TMCO1: variants seen among roughly 807,000 people sequenced by gnomAD.
The protein encoded by TMCO1 is calcium load-activated calcium channel.
TMCO1 carries 29 observed loss-of-function variants against 29.3 expected under a neutral mutation model. The ratio of observed to expected loss-of-function variants is 0.99; its 90% CI spans 0.74 to 1.35. The LOEUF is 1.35. Among genes scored for constraint, TMCO1 ranks in the 40% most tolerant of loss-of-function variants. The pLI is 0.00. For synonymous variants in TMCO1, 80 were observed against 77.1 expected (o/e 1.04, Z -0.20); for missense variants, 173 against 225.5 (o/e 0.77, Z 1.49).
intron 6 of TMCO1, among the ~76,000 whole-genome samples, chr1:165,739,614 C>G (rs906950492): frequency 3.9e-5 from 6 of 152,100 alleles, no homozygotes; most frequent in Non-Finnish European, 8.8e-5. Flanking sequence ...GTCTTGAACT[C>G]CTGGGCTCAA....
chr1:165,735,867 A>C (rs1406272386), intron 6 of TMCO1, among the ~76,000 whole-genome samples: 5 of 152,184 alleles, frequency 3.3e-5, no homozygotes, highest in African/African-American at 9.7e-5. Flanking sequence ...CCCAGTTAAG[A>C]CTAAAATAAC....
At position 165,743,795 on chromosome 1, in the gene TMCO1, A is replaced by T. The variant is rs142381249; in HGVS notation, c.324-484T>A. Among the ~76,000 whole-genome samples, 90 of 152,020 alleles carry T rather than the reference A, an allele frequency of 5.9e-4. No individual in the cohort carries two copies. In the East Asian group the frequency reaches 8.7e-3, roughly 15 times the overall value. ...TTATATCTTTATATATAAGTTATTTAATTATATGAAGTTGAACATGCATGA... is the reference window on the plus strand; with the variant it reads ...TTATATCTTTATATATAAGTTATTTTATTATATGAAGTTGAACATGCATGA... On this transcript the variant is annotated intron_variant, in intron 5 of 6. Coordinates refer to ENST00000367881, the MANE Select transcript of TMCO1 (RefSeq NM_019026.6).
At chr1:165,748,900 T>C (rs1651898495) in intron 5 of TMCO1, among the ~76,000 whole-genome samples, 1 of 152,196 alleles carries the variant, frequency 6.6e-6, no homozygotes, top group Non-Finnish European at 1.5e-5. Flanking sequence ...ACTGTCTCCA[T>C]AGTTTTGCCT....
intron 2 of TMCO1, among the ~76,000 whole-genome samples, chr1:165,760,612 G>C (rs1384972081): frequency 6.6e-6 from 1 of 151,906 alleles, no homozygotes; most frequent in African/African-American, 2.4e-5. Context: ...GATCATCCTG[G>C]CCAACATGGT....
intron 6 of TMCO1, among the ~76,000 whole-genome samples, chr1:165,741,775 TAGTG>T (rs71864439): frequency 0.064 from 9,781 of 152,204 alleles, 1,159 homozygotes; most frequent in East Asian, 0.58. Context: ...GTTCTTGTGA[TAGTG>T]AGTGAGTTCT....
chr1:165,768,488 C>T, intron 1 of TMCO1, 194 bp downstream of exon 1: 1 of 1,543,750 alleles, frequency 6.5e-7, no homozygotes, highest in African/African-American at 1.4e-5. Flanking sequence ...CTACCTGAGA[C>T]CAAAGAAAAC....
chr1:165,730,933 C>A (rs1434828100), intron 6 of TMCO1, among the ~76,000 whole-genome samples: 2 of 149,060 alleles, frequency 1.3e-5, no homozygotes, highest in Non-Finnish European at 3.0e-5. Context: ...CAGAGTCTCG[C>A]TCTGTCGCCA....
chr1:165,752,316 G>A (rs112601776), intron 4 of TMCO1, 147 bp from the exon 5 acceptor site: 8 of 646,068 alleles, frequency 1.2e-5, no homozygotes, highest in East Asian at 2.9e-5. Flanking sequence ...GTACAGTGGC[G>A]CAATCTCGGC....
chr1:165,753,924 C>T (rs574626165), intron 4 of TMCO1, among the ~76,000 whole-genome samples: 22 of 152,096 alleles, frequency 1.4e-4, no homozygotes, highest in Non-Finnish European at 2.6e-4. Flanking sequence ...TCAGCATTAA[C>T]GTAAAGAAGA....
chr1:165,727,803 A>C lies in TMCO1; in HGVS notation c.*220T>G. The C allele has an allele frequency of 2.0e-6, 1 of 495,640 alleles. No homozygotes were observed. The allele number at this position is 495,640 out of a possible 1,614,324, so 30.7% of individuals were successfully genotyped here. A position where few individuals can be genotyped will look rare whatever the true frequency, so the allele number is the denominator to read the frequency against. On this transcript the variant is annotated 3_prime_UTR_variant, in exon 7 of 7. Coordinates refer to ENST00000367881, the MANE Select transcript of TMCO1 (RefSeq NM_019026.6). Reference sequence around the variant, plus strand: ...CATAAACATTACCTGAACTTAACTAATCAATCCACTTATTTGATAAAAATC... The same window carrying C: ...CATAAACATTACCTGAACTTAACTACTCAATCCACTTATTTGATAAAAATC...
intron 6 of TMCO1, among the ~76,000 whole-genome samples, chr1:165,735,338 G>C (rs1651326094): frequency 6.6e-6 from 1 of 152,148 alleles, no homozygotes. Flanking sequence ...AGTTGGCACT[G>C]TGAAGAGTGT....
Position 165,768,859 on chromosome 1 carries a change from G to A in TMCO1, c.-108C>T. The A allele has an allele frequency of 6.4e-7, 1 of 1,569,664 alleles. No individual in the cohort carries two copies. The highest frequency in any genetic ancestry group is 8.6e-7 in the Non-Finnish European group (1 of 1,156,802). On this transcript the variant is annotated 5_prime_UTR_variant, in exon 1 of 7. Coordinates refer to ENST00000367881, the MANE Select transcript of TMCO1 (RefSeq NM_019026.6). Reference sequence around the variant, plus strand: ...TAGACTCCGCCACCACCGAGTAACAGACCAACTCTGACAGCCCGAAGATCG... The same window carrying A: ...TAGACTCCGCCACCACCGAGTAACAAACCAACTCTGACAGCCCGAAGATCG...
chr1:165,736,535 A>G lies in TMCO1; in HGVS notation c.468+6632T>C, dbSNP rs142244070. 8.4e-4 allele frequency among the ~76,000 whole-genome samples: 128 copies of G among 152,286 alleles called. 1 individual carries two copies. Among genetic ancestry groups the G allele is most frequent in the African/African-American group, 3.0e-3 (124 of 41,570 alleles). ...GTGTTTGAGACTAGCCAGCCTGACC[A>G]ACATGGTGAAACCCGCTCTCTCCTA... is the stretch of plus-strand genomic sequence containing the variant. On this transcript the variant is annotated intron_variant, in intron 6 of 6. Coordinates refer to ENST00000367881, the MANE Select transcript of TMCO1 (RefSeq NM_019026.6).
chr1:165,735,511 ATTTTTTTT>A (rs34062484), intron 6 of TMCO1, among the ~76,000 whole-genome samples: 21 of 110,282 alleles, frequency 1.9e-4, no homozygotes, highest in Middle Eastern at 4.6e-3. Flanking sequence ...TCTCTGCTTA[ATTTTTTTT>A]TTTTTTTTTT....
At chr1:165,732,354 G>T in intron 6 of TMCO1, among the ~76,000 whole-genome samples, 1 of 125,492 alleles carries the variant, frequency 8.0e-6, no homozygotes, top group South Asian at 2.7e-4. Context: ...GTAACAGACT[G>T]TTATCTTAGG....
At chr1:165,739,364 T>G (rs1651502114) in intron 6 of TMCO1, among the ~76,000 whole-genome samples, 1 of 149,214 alleles carries the variant, frequency 6.7e-6, no homozygotes. Flanking sequence ...AAAAGGAGTG[T>G]AAAGACCAGC....
Position 165,727,816 on chromosome 1 carries a change from T to C in TMCO1, c.*207A>G, listed in dbSNP as rs998623406. The C allele has an allele frequency of 1.8e-5, 9 of 506,682 alleles. No homozygotes were observed. The highest frequency in any genetic ancestry group is 1.2e-4 in the African/African-American group (6 of 51,638). The allele number at this position is 506,682 out of a possible 1,614,324, so 31.4% of individuals were successfully genotyped here. A position where few individuals can be genotyped will look rare whatever the true frequency, so the allele number is the denominator to read the frequency against. ...TGAACTTAACTAATCAATCCACTTA[T>C]TTGATAAAAATCATCTAGGACCAAA... On this transcript the variant is annotated 3_prime_UTR_variant, in exon 7 of 7. Coordinates refer to ENST00000367881, the MANE Select transcript of TMCO1 (RefSeq NM_019026.6).
Position 165,728,158 on chromosome 1 carries a change from T to A in TMCO1, c.469-37A>T, listed in dbSNP as rs528475298. ...GCACAGTAAGGATTGGGTTTTAATA[T>A]CAAATATACAGAAGATGTGTTTTAT... On this transcript the variant is annotated intron_variant, in intron 6 of 6. Coordinates refer to ENST00000367881, the MANE Select transcript of TMCO1 (RefSeq NM_019026.6). 2.0e-5 allele frequency: 30 copies of A among 1,520,568 alleles called. 1 individual carries two copies. In the South Asian group the frequency reaches 3.4e-4, roughly 17 times the overall value. 94.2% of individuals were successfully genotyped at this position (1,520,568 alleles called of 1,614,324 possible). A position where few individuals can be genotyped will look rare whatever the true frequency, so the allele number is the denominator to read the frequency against.
chr1:165,749,447 A>T (rs2101804190), intron 5 of TMCO1, among the ~76,000 whole-genome samples: 1 of 152,360 alleles, frequency 6.6e-6, no homozygotes, highest in Admixed American at 6.5e-5. Flanking sequence ...ATGGTTAAAA[A>T]CTTAGTAAAG....
Sources: gnomAD v4.1 joint callset for allele counts (sites outside exome capture counted in the v4.1 genomes callset) on GRCh38, gnomAD v4.1.1 for gene constraint, MANE v1.5 for transcripts, NCBI Gene and HGNC (gene_info 2026-07-23, HGNC 2026-07-21) for gene names.